KLB: variants seen among roughly 807,000 people sequenced by gnomAD.
KLB encodes beta-klotho.
KLB carries 44 observed loss-of-function variants against 88.4 expected under a neutral mutation model. The ratio of observed to expected loss-of-function variants is 0.50; its 90% CI spans 0.39 to 0.64. KLB has a LOEUF of 0.64. KLB is among the 30% of genes least tolerant of loss of function. The probability of loss-of-function intolerance (pLI) is 0.00; values close to 1 mark genes in which losing one functional copy is unlikely to be tolerated. For missense variants in KLB, 1,137 were observed against 1,304.8 expected, an observed-to-expected ratio of 0.87 and a Z score of 1.98; for synonymous variants, 548 against 513.4, an observed-to-expected ratio of 1.07 and a Z score of -0.91.
At chr4:39,416,138 C>G (rs1367732788) in intron 1 of KLB, among the ~76,000 whole-genome samples, 2 of 151,610 alleles carry the variant, frequency 1.3e-5, no homozygotes, top group African/African-American at 4.8e-5. Flanking sequence ...CACACACACA[C>G]AGGCTAAACA....
intron 1 of KLB, among the ~76,000 whole-genome samples, chr4:39,420,742 C>T (rs1342588279): frequency 6.6e-6 from 1 of 152,118 alleles, no homozygotes. Context: ...TCTTGAACTC[C>T]TGGGTTCAAA....
At chr4:39,431,859 C>T (rs1197076167) in intron 1 of KLB, among the ~76,000 whole-genome samples, 3 of 152,222 alleles carry the variant, frequency 2.0e-5, no homozygotes, top group Non-Finnish European at 4.4e-5. Flanking sequence ...CTTTGACCTA[C>T]GTAAAAGGCA....
intron 3 of KLB, 44 bp downstream of exon 3, chr4:39,438,039 T>G: frequency 6.4e-7 from 1 of 1,554,992 alleles, no homozygotes; most frequent in East Asian, 2.2e-5. Context: ...GGAAAAACAG[T>G]ACACACTATT....
rs772821024 is a variant in KLB at position 39,434,310 on chromosome 4, G to A, written c.926G>A (p.Arg309Gln). The change falls in exon 2 of 5, where the codon CGG becomes CAG. Residue 309 changes from arginine to glutamine, a missense_variant. Transcript: ENST00000257408. ...GGATCTCATTGGATCGAGCCAAACCGGTCGGAAAACACGATGGATATATTC... is the reference window on the plus strand; with the variant it reads ...GGATCTCATTGGATCGAGCCAAACCAGTCGGAAAACACGATGGATATATTC... ...TLGSHWIEPN[R>Q]SENTMDIFKC... 8 of 1,614,162 alleles carry A rather than the reference G, an allele frequency of 5.0e-6. No homozygotes were observed. Among genetic ancestry groups the A allele is most frequent in the East Asian group, 2.2e-5 (1 of 44,884 alleles).
chr4:39,438,164 A>G (rs1743523770), intron 3 of KLB, among the ~76,000 whole-genome samples, 169 bp downstream of exon 3: 1 of 152,128 alleles, frequency 6.6e-6, no homozygotes, highest in Non-Finnish European at 1.5e-5. Context: ...AAGGAAATAA[A>G]TGCTGAGAGC....
At chr4:39,447,569 C>G (rs987674854) in intron 4 of KLB, 94 bp downstream of exon 4, 70 of 1,106,082 alleles carry the variant, frequency 6.3e-5, no homozygotes, top group Middle Eastern at 3.1e-4. Context: ...TGCCTGACAG[C>G]ATCCAATTTG....
intron 3 of KLB, among the ~76,000 whole-genome samples, chr4:39,438,767 A>G (rs1321758868): frequency 1.3e-5 from 2 of 152,110 alleles, no homozygotes; most frequent in Non-Finnish European, 2.9e-5. Flanking sequence ...CTCACCTTTT[A>G]GTTGTTATTA....
intron 3 of KLB, among the ~76,000 whole-genome samples, chr4:39,440,649 C>G (rs1215805317): frequency 6.6e-6 from 1 of 152,078 alleles, no homozygotes; most frequent in Admixed American, 6.5e-5. Flanking sequence ...CCTCCGCCTC[C>G]CGTGTTCGTG....
intron 2 of KLB, 84 bp downstream of exon 2, chr4:39,434,804 T>C: frequency 2.8e-6 from 3 of 1,088,350 alleles, no homozygotes; most frequent in Non-Finnish European, 3.9e-6. Context: ...GTAACTATTA[T>C]TGTTGGGCTT....
At chr4:39,436,328 A>T (rs1423179116) in intron 2 of KLB, among the ~76,000 whole-genome samples, 1 of 152,156 alleles carries the variant, frequency 6.6e-6, no homozygotes, top group Non-Finnish European at 1.5e-5. Flanking sequence ...AAGGAACAGC[A>T]TGGAACCGAG....
At position 39,429,670 on chromosome 4, in the gene KLB, G is replaced by A. The variant is rs115257404; in HGVS notation, c.826-4540G>A. Among the ~76,000 whole-genome samples the A allele has an allele frequency of 6.1e-3, 925 of 152,266 alleles. 4 individuals carry two copies. The highest frequency in any genetic ancestry group is 0.01 in the Non-Finnish European group (690 of 68,020). ...GGGTGACCTTGGAAAAGTGTAGAATGGCTGTTGTGCAAGGTTGCAGGGCCC... is the reference window on the plus strand; with the variant it reads ...GGGTGACCTTGGAAAAGTGTAGAATAGCTGTTGTGCAAGGTTGCAGGGCCC... On this transcript the variant is annotated intron_variant, in intron 1 of 4. Coordinates refer to ENST00000257408, the MANE Select transcript of KLB (RefSeq NM_175737.4).
At chr4:39,434,830 G>A (rs1479542022) in intron 2 of KLB, 110 bp downstream of exon 2, 74 of 853,054 alleles carry the variant, frequency 8.7e-5, no homozygotes, top group Non-Finnish European at 1.3e-4. Flanking sequence ...TTTTTGAAAC[G>A]GAGTTTCTCG....
At chr4:39,412,777 C>T (rs767489286) in intron 1 of KLB, among the ~76,000 whole-genome samples, 11 of 152,082 alleles carry the variant, frequency 7.2e-5, no homozygotes, top group Non-Finnish European at 1.6e-4. Context: ...TTTAAATTTG[C>T]CTTTATGTTC....
chr4:39,447,443 A>G lies in KLB; in HGVS notation c.2717A>G (p.Tyr906Cys), dbSNP rs1743781315. ...ALEDDRLRKYYLGKYLQEVLK... is the reference protein window; with the variant it reads ...ALEDDRLRKYCLGKYLQEVLK... ...GAGGATGACCGGCTCCGGAAGTACT[A>G]CCTAGGGAAGTACCTTCAGGAGGTG... Residue 906 changes from tyrosine (Y) to cysteine (C), a missense_variant, in exon 4 of 5, where the codon TAC (tyrosine) becomes TGC (cysteine). Around this residue, in one of 4 missense-constraint regions of KLB, gnomAD observed 426 missense variants for 404.6 expected, o/e 1.05. Coordinates refer to ENST00000257408, the MANE Select transcript of KLB (RefSeq NM_175737.4). 20 of 1,602,448 alleles carry G rather than the reference A, an allele frequency of 1.2e-5. No homozygotes were observed. The East Asian group carries it at 4.5e-4, about 36-fold the overall frequency.
At chr4:39,427,482 C>CAAAAAA (rs35351344) in intron 1 of KLB, among the ~76,000 whole-genome samples, 2 of 117,956 alleles carry the variant, frequency 1.7e-5, no homozygotes. Flanking sequence ...GACTCTGTCT[C>CAAAAAA]AAAAAAAAAA....
At chr4:39,438,206 G>A (rs1196747648) in intron 3 of KLB, among the ~76,000 whole-genome samples, 3 of 152,200 alleles carry the variant, frequency 2.0e-5, no homozygotes, top group East Asian at 1.9e-4. Context: ...AATTGGTGAT[G>A]GAGATGGAGA....
rs529243189 is a variant in KLB, at chr4:39,442,866, C to T, written c.1606-3466C>T. Among the ~76,000 whole-genome samples, 137 of 152,276 alleles carry T rather than the reference C, an allele frequency of 9.0e-4. 1 individual carries two copies. Among genetic ancestry groups the T allele is most frequent in the African/African-American group, 3.2e-3 (133 of 41,556 alleles). On this transcript the variant is annotated intron_variant, in intron 3 of 4. Transcript: ENST00000257408. ...CCCAGGAAATTTAACACTGATTCAACGCTATCTAAAATACAATCCATATTC... is the reference window on the plus strand; with the variant it reads ...CCCAGGAAATTTAACACTGATTCAATGCTATCTAAAATACAATCCATATTC...
chr4:39,406,939 G>T lies in KLB; in HGVS notation c.-11G>T, dbSNP rs1484759907. 6.3e-7 allele frequency: 1 copy of T among 1,595,812 alleles called. No individual in the cohort carries two copies. Among genetic ancestry groups the T allele is most frequent in the Non-Finnish European group, 8.6e-7 (1 of 1,167,780 alleles). ...GAAGCTTTGATAAGACAGTCCAGCA[G>T]TTGGTGGCAAATGAAGCCAGGCTGT... On this transcript the variant is annotated 5_prime_UTR_variant, in exon 1 of 5. Coordinates refer to ENST00000257408, the MANE Select transcript of KLB (RefSeq NM_175737.4).
At chr4:39,428,912 T>C in intron 1 of KLB, among the ~76,000 whole-genome samples, 1 of 152,164 alleles carries the variant, frequency 6.6e-6, no homozygotes, top group East Asian at 1.9e-4. Context: ...CCCACCATGT[T>C]GGCCAGGCTG....
Sources: gnomAD v4.1 joint callset for allele counts (sites outside exome capture counted in the v4.1 genomes callset) on GRCh38, gnomAD v4.1.1 for gene constraint, gnomAD v4.1.1 regional missense constraint, MANE v1.5 for transcripts, NCBI Gene and HGNC (gene_info 2026-07-23, HGNC 2026-07-21) for gene names.